The following KHDRBS2 variants were observed in gnomAD, a reference collection of about 807,000 sequenced individuals.
KHDRBS2 encodes the protein KH domain-containing, RNA-binding, signal transduction-associated protein 2.
Under a neutral mutation model 44.3 loss-of-function variants are expected in KHDRBS2, and 26 were observed. That is an observed-to-expected ratio of 0.59 (90% CI 0.43 to 0.81). The LOEUF is 0.81. Ranked by LOEUF, KHDRBS2 falls within the 40% of genes least tolerant of loss-of-function variation. KHDRBS2 has a pLI of 0.00. For missense variants in KHDRBS2, 476 were observed against 433.1 expected (o/e 1.10, Z -0.88); for synonymous variants, 194 against 151.1 (o/e 1.28, Z -2.08).
In KHDRBS2 at chr6:62,068,546, G is replaced by C. The variant is rs544287781; in HGVS notation, c.220-20552C>G. Among the ~76,000 whole-genome samples the C allele has an allele frequency of 2.0e-5, 3 of 151,220 alleles. No individual in the cohort carries two copies. The South Asian group carries it at 6.2e-4, about 31-fold the overall frequency. ...CTAACTTTTTTTTATTTTGTTGCTT[G>C]TGATTTTGATGTCATATCTAAAATA... On this transcript the variant is annotated intron_variant, in intron 2 of 8. Coordinates refer to ENST00000281156, the MANE Select transcript of KHDRBS2 (RefSeq NM_152688.4).
At chr6:61,774,235 A>C (rs975336630) in intron 6 of KHDRBS2, among the ~76,000 whole-genome samples, 1 of 152,206 alleles carries the variant, frequency 6.6e-6, no homozygotes, top group Non-Finnish European at 1.5e-5. Flanking sequence ...TACTTTGGGC[A>C]GTATGGCCAT....
chr6:61,961,016 C>A (rs1411119770), intron 4 of KHDRBS2, among the ~76,000 whole-genome samples: 1 of 152,014 alleles, frequency 6.6e-6, no homozygotes, highest in East Asian at 1.9e-4. Context: ...TCTTCCCTGC[C>A]TTTTTTCCCT....
chr6:62,263,275 A>C (rs1430319624), intron 1 of KHDRBS2, among the ~76,000 whole-genome samples: 1 of 151,190 alleles, frequency 6.6e-6, no homozygotes, highest in Non-Finnish European at 1.5e-5. Context: ...TAATTCACCA[A>C]AGAATATGGA....
chr6:61,892,731 C>A (rs1291442914), intron 6 of KHDRBS2, among the ~76,000 whole-genome samples: 1 of 152,304 alleles, frequency 6.6e-6, no homozygotes, highest in African/African-American at 2.4e-5. Flanking sequence ...CCCTTCCTTA[C>A]ACCTTATACA....
intron 3 of KHDRBS2, among the ~76,000 whole-genome samples, chr6:62,021,101 C>A (rs1358337064): frequency 6.6e-6 from 1 of 151,930 alleles, no homozygotes; most frequent in Non-Finnish European, 1.5e-5. Flanking sequence ...GAGCTGGAGG[C>A]CATTATCCTT....
chr6:61,755,476 C>T (rs1293149505), intron 6 of KHDRBS2, among the ~76,000 whole-genome samples: 1 of 152,028 alleles, frequency 6.6e-6, no homozygotes, highest in Non-Finnish European at 1.5e-5. Flanking sequence ...TGTTCAGAAC[C>T]TAAGCAGCTC....
At chr6:61,696,349 T>C (rs1287623326) in intron 8 of KHDRBS2, among the ~76,000 whole-genome samples, 3 of 152,004 alleles carry the variant, frequency 2.0e-5, no homozygotes, top group Non-Finnish European at 4.4e-5. Flanking sequence ...TCCAACTCCC[T>C]GGTTCAAGCT....
chr6:62,122,251 T>C (rs571668909), intron 2 of KHDRBS2, among the ~76,000 whole-genome samples: 24 of 152,072 alleles, frequency 1.6e-4, no homozygotes, highest in Admixed American at 1.5e-3. Flanking sequence ...ACAGCAAAGG[T>C]CTCTAGGATT....
At chr6:62,074,897 A>C (rs1433428197) in intron 2 of KHDRBS2, among the ~76,000 whole-genome samples, 1 of 151,876 alleles carries the variant, frequency 6.6e-6, no homozygotes, top group Non-Finnish European at 1.5e-5. Context: ...AAACTATGAC[A>C]ATTTTCCTGT....
intron 3 of KHDRBS2, among the ~76,000 whole-genome samples, chr6:62,040,864 C>T (rs1786332328): frequency 6.6e-6 from 1 of 152,112 alleles, no homozygotes; most frequent in South Asian, 2.1e-4. Flanking sequence ...GTCACTGAAA[C>T]TATCCAGATT....
intron 4 of KHDRBS2, among the ~76,000 whole-genome samples, chr6:61,937,066 T>C (rs1333058292): frequency 1.3e-5 from 2 of 151,986 alleles, no homozygotes; most frequent in African/African-American, 4.8e-5. Context: ...ATTGGACATG[T>C]ATAGGACCAT....
chr6:61,853,188 G>A (rs1401162470), intron 6 of KHDRBS2, among the ~76,000 whole-genome samples: 1 of 152,074 alleles, frequency 6.6e-6, no homozygotes, highest in Non-Finnish European at 1.5e-5. Context: ...CCTGTTCTCT[G>A]CTTCTTGGGC....
At chr6:62,062,844 G>GT (rs1792346763) in intron 2 of KHDRBS2, among the ~76,000 whole-genome samples, 1 of 147,866 alleles carries the variant, frequency 6.8e-6, no homozygotes, top group African/African-American at 2.5e-5. Flanking sequence ...CCAGGAGCTG[G>GT]TTTTTTGAAA....
chr6:61,861,091 TC>T (rs746480029), intron 6 of KHDRBS2, among the ~76,000 whole-genome samples: 1 of 152,112 alleles, frequency 6.6e-6, no homozygotes, highest in Non-Finnish European at 1.5e-5. Context: ...TAGTTTGAGT[TC>T]CTTATAGATG....
chr6:62,100,339 T>G (rs1195970121), intron 2 of KHDRBS2, among the ~76,000 whole-genome samples: 1 of 152,228 alleles, frequency 6.6e-6, no homozygotes, highest in African/African-American at 2.4e-5. Flanking sequence ...TGATGAAGAT[T>G]CTGTGAACAT....
intron 1 of KHDRBS2, among the ~76,000 whole-genome samples, chr6:62,226,966 C>T (rs75763675): frequency 2.0e-5 from 3 of 152,126 alleles, no homozygotes; most frequent in African/African-American, 7.2e-5. Flanking sequence ...ATGATGACTC[C>T]AGCTTTGTTC....
At chr6:61,953,541 T>G (rs922614216) in intron 4 of KHDRBS2, among the ~76,000 whole-genome samples, 3 of 152,086 alleles carry the variant, frequency 2.0e-5, no homozygotes, top group African/African-American at 7.2e-5. Flanking sequence ...GCTAGCATTT[T>G]GACATAGCTG....
intron 4 of KHDRBS2, among the ~76,000 whole-genome samples, chr6:61,977,722 A>G (rs1772976137): frequency 6.6e-6 from 1 of 152,130 alleles, no homozygotes; most frequent in Non-Finnish European, 1.5e-5. Flanking sequence ...TGTAAATTGC[A>G]AACGATAAAC....
chr6:62,197,001 G>A (rs1420598480), intron 1 of KHDRBS2, among the ~76,000 whole-genome samples: 1 of 151,990 alleles, frequency 6.6e-6, no homozygotes, highest in Admixed American at 6.6e-5. Context: ...CTCTAGCACT[G>A]CAGTATAAAA....
Sources: allele counts gnomAD v4.1 joint callset (sites outside exome capture counted in the v4.1 genomes callset), GRCh38; gene constraint gnomAD v4.1.1; transcripts MANE v1.5; gene names NCBI Gene and HGNC (gene_info 2026-07-23, HGNC 2026-07-21).